Variants in LRRTM4 observed in about 807,000 individuals in gnomAD.
LRRTM4 encodes leucine-rich repeat transmembrane neuronal protein 4.
In LRRTM4, 25 loss-of-function variants were observed where a neutral mutation model predicts 47.6. The ratio of observed to expected loss-of-function variants is 0.53; its 90% CI spans 0.38 to 0.73. The LOEUF is 0.73. LRRTM4 is among the 30% of genes least tolerant of loss of function. The pLI is 0.00. For synonymous variants in LRRTM4, 311 were observed against 269.5 expected (o/e 1.15, Z -1.51); for missense variants, 638 against 713.4 (o/e 0.89, Z 1.20).
At chr2:77,224,348 A>T (rs1164017230) in intron 3 of LRRTM4, among the ~76,000 whole-genome samples, 1 of 152,256 alleles carries the variant, frequency 6.6e-6, no homozygotes, top group Non-Finnish European at 1.5e-5. Context: ...ACAAAAGCCA[A>T]AAATGACAAA....
chr2:76,917,061 G>GT (rs1366996027), intron 3 of LRRTM4, among the ~76,000 whole-genome samples: 1 of 152,172 alleles, frequency 6.6e-6, no homozygotes, highest in Non-Finnish European at 1.5e-5. Context: ...CCTTTTTGGT[G>GT]TAGACCAGGG....
At chr2:77,059,568 A>T (rs1679719492) in intron 3 of LRRTM4, among the ~76,000 whole-genome samples, 2 of 152,190 alleles carry the variant, frequency 1.3e-5, no homozygotes, top group African/African-American at 4.8e-5. Flanking sequence ...AGTCACTGGC[A>T]AGAGACTCAA....
At chr2:77,035,478 C>T (rs1026261717) in intron 3 of LRRTM4, among the ~76,000 whole-genome samples, 1 of 151,816 alleles carries the variant, frequency 6.6e-6, no homozygotes, top group African/African-American at 2.4e-5. Context: ...CCTTCATAAC[C>T]TCAGGCAACA....
At chr2:76,860,501 C>T (rs1672281825) in intron 3 of LRRTM4, among the ~76,000 whole-genome samples, 1 of 152,042 alleles carries the variant, frequency 6.6e-6, no homozygotes, top group Non-Finnish European at 1.5e-5. Flanking sequence ...TATTCCACCC[C>T]TTGTGCCATA....
intron 3 of LRRTM4, among the ~76,000 whole-genome samples, chr2:76,821,043 A>G (rs959513234): frequency 6.6e-6 from 1 of 151,698 alleles, no homozygotes; most frequent in Non-Finnish European, 1.5e-5. Context: ...AAGGGTCTAT[A>G]TTCCACTGAT....
At chr2:77,034,060 C>A (rs1446392535) in intron 3 of LRRTM4, among the ~76,000 whole-genome samples, 1 of 151,568 alleles carries the variant, frequency 6.6e-6, no homozygotes, top group African/African-American at 2.4e-5. Flanking sequence ...CATAAAGGTT[C>A]TGTTATGGCA....
intron 3 of LRRTM4, among the ~76,000 whole-genome samples, chr2:76,938,393 T>C (rs1223428130): frequency 6.6e-6 from 1 of 151,986 alleles, no homozygotes; most frequent in African/African-American, 2.4e-5. Flanking sequence ...GAATATAAAT[T>C]GTTAAAATTT....
chr2:77,221,690 A>G (rs1674637234), intron 3 of LRRTM4, among the ~76,000 whole-genome samples: 2 of 152,038 alleles, frequency 1.3e-5, no homozygotes, highest in Non-Finnish European at 2.9e-5. Flanking sequence ...ATACAGGAGC[A>G]CCCAGATTCA....
chr2:77,071,777 A>G (rs1184021241), intron 3 of LRRTM4, among the ~76,000 whole-genome samples: 5 of 152,220 alleles, frequency 3.3e-5, no homozygotes, highest in Non-Finnish European at 7.3e-5. Flanking sequence ...TACAAGTAGC[A>G]AAATTCAAGA....
intron 3 of LRRTM4, among the ~76,000 whole-genome samples, chr2:77,091,671 C>T (rs62172164): frequency 1.6e-4 from 23 of 145,956 alleles, no homozygotes; most frequent in Non-Finnish European, 2.6e-4. Context: ...AGCCTCTCTT[C>T]GCTTTCACTT....
chr2:76,892,510 T>A (rs778177230), intron 3 of LRRTM4, among the ~76,000 whole-genome samples: 1 of 151,758 alleles, frequency 6.6e-6, no homozygotes, highest in Non-Finnish European at 1.5e-5. Flanking sequence ...TTTCTCCTAA[T>A]TTATGCTTTC....
chr2:77,250,943 A>C (rs1675585259), intron 3 of LRRTM4, among the ~76,000 whole-genome samples: 1 of 151,946 alleles, frequency 6.6e-6, no homozygotes, highest in South Asian at 2.1e-4. Flanking sequence ...ATCTCTACTA[A>C]AAATGCAAAA....
intron 3 of LRRTM4, among the ~76,000 whole-genome samples, chr2:77,453,263 G>A (rs1202956785): frequency 7.0e-6 from 1 of 142,742 alleles, no homozygotes; most frequent in Non-Finnish European, 1.5e-5. Context: ...TTCACTGCAA[G>A]CTCCGCCTCC....
At chr2:77,072,809 A>AAAAC (rs1680201205) in intron 3 of LRRTM4, among the ~76,000 whole-genome samples, 1 of 151,328 alleles carries the variant, frequency 6.6e-6, no homozygotes, top group Admixed American at 6.6e-5. Flanking sequence ...CCAAAAAAAA[A>AAAAC]AAAAAAAAAA....
intron 3 of LRRTM4, among the ~76,000 whole-genome samples, chr2:77,491,263 G>C (rs904435577): frequency 6.6e-6 from 1 of 151,774 alleles, no homozygotes; most frequent in Non-Finnish European, 1.5e-5. Flanking sequence ...AACAAAGACA[G>C]AAAATATTGA....
chr2:77,044,908 T>C (rs900090033), intron 3 of LRRTM4, among the ~76,000 whole-genome samples: 2 of 151,650 alleles, frequency 1.3e-5, no homozygotes, highest in African/African-American at 4.8e-5. Flanking sequence ...TGTATGTAGA[T>C]AGGTGTTTGT....
intron 3 of LRRTM4, among the ~76,000 whole-genome samples, chr2:77,041,314 A>G (rs1679025167): frequency 1.3e-5 from 2 of 151,606 alleles, no homozygotes; most frequent in Admixed American, 1.3e-4. Flanking sequence ...TGTAAAATCC[A>G]TTCATTTGTT....
intron 3 of LRRTM4, among the ~76,000 whole-genome samples, chr2:77,494,926 C>A (rs1678304631): frequency 6.6e-6 from 1 of 152,074 alleles, no homozygotes. Context: ...GATTTGCCTT[C>A]TTTCCCTCAA....
chr2:76,844,699 T>A (rs1014941116), intron 3 of LRRTM4, among the ~76,000 whole-genome samples: 5 of 152,186 alleles, frequency 3.3e-5, no homozygotes, highest in African/African-American at 1.2e-4. Context: ...TATTGACAAT[T>A]ATGTCTGTTA....
Sources: gnomAD v4.1 joint callset for allele counts (sites outside exome capture counted in the v4.1 genomes callset) on GRCh38, gnomAD v4.1.1 for gene constraint, MANE v1.5 for transcripts, NCBI Gene and HGNC (gene_info 2026-07-23, HGNC 2026-07-21) for gene names.